DENND1A: variants seen among roughly 807,000 people sequenced by gnomAD.
DENND1A encodes DENN domain containing 1A, also known as DENN domain-containing protein 1A.
In DENND1A, 51 loss-of-function variants were observed where a neutral mutation model predicts 113.7. That is an observed-to-expected ratio of 0.45 (90% CI 0.36 to 0.57). The LOEUF is 0.57. Ranked by LOEUF, DENND1A falls within the 20% of genes least tolerant of loss-of-function variation. The pLI, the probability that DENND1A is intolerant of heterozygous loss-of-function variation, is 0.00. For synonymous variants in DENND1A, 565 were observed against 570.8 expected (o/e 0.99, Z 0.14); for missense variants, 1,258 against 1,395.9 (o/e 0.90, Z 1.57).
At chr9:123,472,008 T>C (rs1161969862) in intron 13 of DENND1A, among the ~76,000 whole-genome samples, 6 of 152,170 alleles carry the variant, frequency 3.9e-5, no homozygotes, top group Non-Finnish European at 7.3e-5. Context: ...CTGAGCTCAG[T>C]TGCCTCAGCT....
At chr9:123,904,132 G>A (rs1459755771) in intron 1 of DENND1A, among the ~76,000 whole-genome samples, 2 of 152,028 alleles carry the variant, frequency 1.3e-5, no homozygotes, top group African/African-American at 4.8e-5. Context: ...CACACAGCAG[G>A]GTATTCCAAC....
At chr9:123,386,505 C>T (rs983838443) in intron 22 of DENND1A, among the ~76,000 whole-genome samples, 1 of 151,890 alleles carries the variant, frequency 6.6e-6, no homozygotes, top group Non-Finnish European at 1.5e-5. Context: ...CCTCAGCCTC[C>T]TGAGTAGCTG....
At chr9:123,730,663 G>A (rs1156414068) in intron 5 of DENND1A, among the ~76,000 whole-genome samples, 1 of 152,214 alleles carries the variant, frequency 6.6e-6, no homozygotes, top group East Asian at 1.9e-4. Flanking sequence ...TGGTGGGAGT[G>A]TAAATGAGTT....
intron 5 of DENND1A, among the ~76,000 whole-genome samples, chr9:123,744,254 G>A (rs879461668): frequency 6.6e-6 from 1 of 152,134 alleles, no homozygotes; most frequent in Non-Finnish European, 1.5e-5. Context: ...ACAAAATGGA[G>A]ATCACATCAC....
chr9:123,454,018 G>C (rs944188447), intron 16 of DENND1A, among the ~76,000 whole-genome samples: 1 of 152,240 alleles, frequency 6.6e-6, no homozygotes, highest in African/African-American at 2.4e-5. Flanking sequence ...GCCAACTGCA[G>C]CCACTTCCAA....
intron 11 of DENND1A, among the ~76,000 whole-genome samples, chr9:123,592,706 T>C (rs1207184789): frequency 2.6e-5 from 4 of 152,214 alleles, no homozygotes; most frequent in Non-Finnish European, 5.9e-5. Flanking sequence ...GGTCTTGCTG[T>C]GTTGTCCAGG....
intron 4 of DENND1A, among the ~76,000 whole-genome samples, chr9:123,766,472 A>C (rs891161331): frequency 1.3e-5 from 2 of 152,200 alleles, no homozygotes; most frequent in Admixed American, 1.3e-4. Context: ...AGCTTCTAGG[A>C]AGAATAAATG....
intron 12 of DENND1A, among the ~76,000 whole-genome samples, chr9:123,565,301 T>C (rs2057992726): frequency 1.3e-5 from 2 of 152,168 alleles, no homozygotes; most frequent in South Asian, 2.1e-4. Flanking sequence ...CTAATGTCTG[T>C]CTCTTCTATT....
At chr9:123,594,835 C>A (rs934056735) in intron 11 of DENND1A, among the ~76,000 whole-genome samples, 1 of 152,048 alleles carries the variant, frequency 6.6e-6, no homozygotes, top group Non-Finnish European at 1.5e-5. Flanking sequence ...TAACAAAGAA[C>A]AGCATGGGAA....
At chr9:123,428,961 C>T (rs558474162) in intron 19 of DENND1A, among the ~76,000 whole-genome samples, 2 of 152,290 alleles carry the variant, frequency 1.3e-5, no homozygotes, top group African/African-American at 2.4e-5. Context: ...AATGGCCATA[C>T]TACCCAAAGT....
rs561294389 is a variant in DENND1A at position 123,584,139 on chromosome 9, C to A, written c.766-869G>T. Among the ~76,000 whole-genome samples, 52 of 152,344 alleles carry A rather than the reference C, an allele frequency of 3.4e-4. 1 individual carries two copies. The highest frequency in any genetic ancestry group is 1.2e-3 in the African/African-American group (49 of 41,586). ...CCCATTCAATCCTCCTTCCCCATCA[C>A]GTATCAAGCGTATTCCTTTTGAGTC... On this transcript the variant is annotated intron_variant, in intron 11 of 23. Transcript: ENST00000394215.
At position 123,382,425 on chromosome 9, in the gene DENND1A, G is replaced by A; in HGVS notation, c.2220C>T (p.Ser740=). 1 of 1,607,636 alleles carries A rather than the reference G, an allele frequency of 6.2e-7. No homozygotes were observed. Among genetic ancestry groups the A allele is most frequent in the Non-Finnish European group, 8.5e-7 (1 of 1,176,764 alleles). ...ALPRRPQNRD[S]ILNPSDKEEV... ...CCTCCTTGTCACTGGGGTTCAGGAT[G>A]CTGTCCCGGTTCTGGGGCCTTCGAG... Residue 740 remains serine, a synonymous_variant, in exon 24 of 24, where the codon AGC becomes AGT. Transcript: ENST00000394215.
intron 13 of DENND1A, among the ~76,000 whole-genome samples, chr9:123,507,466 G>A (rs1291004902): frequency 6.6e-6 from 1 of 152,220 alleles, no homozygotes; most frequent in African/African-American, 2.4e-5. Flanking sequence ...AGGCAGTTAT[G>A]TGCAAGGTTC....
chr9:123,384,248 G>A lies in DENND1A; in HGVS notation c.1761-335C>T, dbSNP rs150060502. On this transcript the variant is annotated intron_variant, in intron 22 of 23. Coordinates refer to ENST00000394215, the MANE Select transcript of DENND1A (RefSeq NM_001352964.2). ...TCAGACAAGGTGTGAGGAACAGACA[G>A]GACTGGAAGGGGGCTCACAGGCCAG... Among the ~76,000 whole-genome samples, 157 of 152,356 alleles carry A rather than the reference G, an allele frequency of 1.0e-3. 2 individuals are homozygous for A. In the East Asian group the frequency reaches 0.028, roughly 27 times the overall value.
At chr9:123,830,760 G>A (rs1840055299) in intron 2 of DENND1A, among the ~76,000 whole-genome samples, 1 of 151,358 alleles carries the variant, frequency 6.6e-6, no homozygotes, top group Non-Finnish European at 1.5e-5. Context: ...CAGCTACTCG[G>A]GAGGCTGAGA....
chr9:123,902,886 T>A (rs1588157528), intron 1 of DENND1A, among the ~76,000 whole-genome samples: 3 of 146,906 alleles, frequency 2.0e-5, no homozygotes, highest in Non-Finnish European at 1.5e-5. Flanking sequence ...GTAGCCAAAA[T>A]CTCTTATGAA....
intron 2 of DENND1A, among the ~76,000 whole-genome samples, chr9:123,854,621 G>A (rs890068893): frequency 6.6e-6 from 1 of 151,852 alleles, no homozygotes; most frequent in African/African-American, 2.4e-5. Flanking sequence ...CTTGAACCCA[G>A]GACGCAGAGG....
At chr9:123,595,071 C>T (rs1003244547) in intron 11 of DENND1A, among the ~76,000 whole-genome samples, 39 of 152,294 alleles carry the variant, frequency 2.6e-4, no homozygotes, top group African/African-American at 7.5e-4. Context: ...AGCCAAGAGT[C>T]GCTGATTTGC....
intron 5 of DENND1A, among the ~76,000 whole-genome samples, chr9:123,688,435 A>G (rs1328727969): frequency 6.6e-6 from 1 of 152,216 alleles, no homozygotes; most frequent in Non-Finnish European, 1.5e-5. Flanking sequence ...TCAGGCACTG[A>G]GTAGAGAGTG....
Sources: allele counts gnomAD v4.1 joint callset (sites outside exome capture counted in the v4.1 genomes callset), GRCh38; gene constraint gnomAD v4.1.1; transcripts MANE v1.5; gene names NCBI Gene and HGNC (gene_info 2026-07-23, HGNC 2026-07-21).